Variants in RABGAP1 observed in about 807,000 individuals in gnomAD.
The protein encoded by RABGAP1 is RAB GTPase activating protein 1.
In RABGAP1, 23 loss-of-function variants were observed where a neutral mutation model predicts 137.6. The observed-to-expected ratio is 0.17, with a 90% CI of 0.12 to 0.24. RABGAP1 has a LOEUF of 0.24. Among genes scored for constraint, RABGAP1 ranks in the 10% least tolerant of loss-of-function variants. The pLI is 1.00. For missense variants in RABGAP1, 906 were observed against 1,275.8 expected (o/e 0.71, Z 4.42); for synonymous variants, 451 against 450.7 (o/e 1.00, Z -0.01).
intron 13 of RABGAP1, among the ~76,000 whole-genome samples, chr9:123,042,749 A>G (rs1354027522): frequency 6.6e-6 from 1 of 152,220 alleles, no homozygotes; most frequent in African/African-American, 2.4e-5. Flanking sequence ...GAATAGAGGA[A>G]AAGAAAGGAA....
intron 13 of RABGAP1, among the ~76,000 whole-genome samples, chr9:123,026,790 C>G (rs1789176967): frequency 1.3e-5 from 2 of 152,170 alleles, no homozygotes; most frequent in Admixed American, 1.3e-4. Flanking sequence ...CCTCTTCTGT[C>G]CCTTCTTTCT....
At chr9:123,006,535 T>C (rs566854014) in intron 10 of RABGAP1, among the ~76,000 whole-genome samples, 76 of 152,324 alleles carry the variant, frequency 5.0e-4, no homozygotes, top group African/African-American at 1.8e-3. Context: ...TGAACCTCTT[T>C]CTGGTATTTA....
At chr9:123,022,297 G>C (rs998740453) in intron 13 of RABGAP1, among the ~76,000 whole-genome samples, 3 of 152,128 alleles carry the variant, frequency 2.0e-5, no homozygotes, top group Non-Finnish European at 2.9e-5. Context: ...AAAGGAACCT[G>C]GTAGTTATAT....
chr9:122,970,157 A>G (rs1588188783), intron 2 of RABGAP1, among the ~76,000 whole-genome samples: 1 of 149,554 alleles, frequency 6.7e-6, no homozygotes, highest in South Asian at 2.1e-4. Flanking sequence ...CAAGTGGTCC[A>G]CCTGCCTCAG....
chr9:122,959,806 T>C (rs1834755095), intron 2 of RABGAP1, among the ~76,000 whole-genome samples: 1 of 152,222 alleles, frequency 6.6e-6, no homozygotes. Context: ...TGCCTGTTTC[T>C]GGCCAAGTGT....
At chr9:122,992,143 TCTCATGC>T (rs1009932222) in intron 6 of RABGAP1, among the ~76,000 whole-genome samples, 1 of 151,516 alleles carries the variant, frequency 6.6e-6, no homozygotes, top group Non-Finnish European at 1.5e-5. Flanking sequence ...TTCAAGCAAT[TCTCATGC>T]CTCAGCCTCC....
chr9:122,944,274 G>C (rs929195096), intron 1 of RABGAP1, among the ~76,000 whole-genome samples: 1 of 151,548 alleles, frequency 6.6e-6, no homozygotes, highest in Non-Finnish European at 1.5e-5. Context: ...CTCTTTCCCA[G>C]GCTGGAGTGC....
intron 6 of RABGAP1, 46 bp from the exon 7 acceptor site, chr9:122,995,995 G>C: frequency 6.5e-7 from 1 of 1,546,600 alleles, no homozygotes. Flanking sequence ...TCTAGTATGT[G>C]ACAAGAAAAT....
At chr9:122,995,957 A>ATT in intron 6 of RABGAP1, 84 bp from the exon 7 acceptor site, 1 of 1,486,528 alleles carries the variant, frequency 6.7e-7, no homozygotes, top group Non-Finnish European at 8.9e-7. Context: ...AGAATCAGAG[A>ATT]TTTGAGGTCT....
At chr9:122,971,289 T>G (rs1055732835) in intron 2 of RABGAP1, among the ~76,000 whole-genome samples, 5 of 152,226 alleles carry the variant, frequency 3.3e-5, no homozygotes, top group African/African-American at 9.6e-5. Flanking sequence ...AGTTTGAATT[T>G]ACACTGCTTG....
intron 1 of RABGAP1, among the ~76,000 whole-genome samples, chr9:122,954,852 A>G (rs1404188459): frequency 6.6e-6 from 1 of 152,200 alleles, no homozygotes; most frequent in Non-Finnish European, 1.5e-5. Flanking sequence ...CTCTAACCAC[A>G]TTACATTGAA....
intron 2 of RABGAP1, among the ~76,000 whole-genome samples, chr9:122,971,121 A>G (rs575880939): frequency 6.7e-4 from 102 of 152,212 alleles, no homozygotes; most frequent in South Asian, 1.0e-3. Flanking sequence ...AAGTGTACTC[A>G]GGGGCTACTT....
rs1216419264 is a variant in RABGAP1, at chr9:123,104,860, A to C, written c.*1647A>C. The C allele has an allele frequency of 6.6e-6, 1 of 152,232 alleles. No individual in the cohort carries two copies. The highest frequency in any genetic ancestry group is 2.4e-5 in the African/African-American group (1 of 41,466). The allele number at this position is 152,232 out of a possible 1,614,324, so 9.4% of individuals were successfully genotyped here. On this transcript the variant is annotated 3_prime_UTR_variant, in exon 26 of 26. Transcript: ENST00000373647. ...GCATATTGATTAAATATTTTGGTAC[A>C]AACAAACAGCATTGCTTTGTAAAAA...
At chr9:123,032,066 C>T (rs1303531042) in intron 13 of RABGAP1, among the ~76,000 whole-genome samples, 1 of 152,202 alleles carries the variant, frequency 6.6e-6, no homozygotes, top group Non-Finnish European at 1.5e-5. Flanking sequence ...ACTGTATAGC[C>T]TCAGTAAGAG....
the RABGAP1 span, among the ~76,000 whole-genome samples, chr9:122,934,847 C>T: frequency 1.3e-5 from 2 of 152,104 alleles, no homozygotes; most frequent in Admixed American, 6.5e-5. Context: ...TCAAGCAATC[C>T]GCCTGCGTTG....
chr9:123,052,944 AC>A (rs1166415479), intron 13 of RABGAP1, among the ~76,000 whole-genome samples: 3 of 152,208 alleles, frequency 2.0e-5, no homozygotes, highest in Non-Finnish European at 4.4e-5. Flanking sequence ...TGTCTCAAAA[AC>A]AAAACAAAAT....
At position 123,101,689 on chromosome 9, in the gene RABGAP1, A is replaced by T. The variant is rs1283948864; in HGVS notation, c.3013A>T (p.Asn1005Tyr). 95 of 1,614,068 alleles carry T rather than the reference A, an allele frequency of 5.9e-5. No homozygotes were observed. The East Asian group carries it at 2.1e-3, about 36-fold the overall frequency. ...GGATGAAGAGAAAGAGACGCTCAAG[A>T]ACCAGCTGAGAGAAATGGAGCTAGA... ...DTDEEKETLK[N>Y]QLREMELELA... Residue 1005 changes from asparagine (N) to tyrosine (Y), a missense_variant, in exon 25 of 26, where the codon AAC (asparagine) becomes TAC (tyrosine). Physicochemically the swap from Asn to Tyr is moderately radical, Grantham distance 143. This residue lies in a region of RABGAP1 where 193 missense variants were observed against 248.1 expected (regional missense o/e 0.78). Transcript: ENST00000373647.
At chr9:123,057,995 C>T (rs1322361527) in intron 13 of RABGAP1, among the ~76,000 whole-genome samples, 6 of 146,276 alleles carry the variant, frequency 4.1e-5, no homozygotes, top group Non-Finnish European at 6.0e-5. Context: ...TGAGCCGAGA[C>T]GGCAGCAGCA....
At chr9:123,034,689 G>A (rs1473326065) in intron 13 of RABGAP1, 1 of 1,612,950 alleles carries the variant, frequency 6.2e-7, no homozygotes, top group Admixed American at 1.7e-5. Flanking sequence ...TAACTGTATT[G>A]ATTATTTCTG....
Sources: allele counts gnomAD v4.1 joint callset (sites outside exome capture counted in the v4.1 genomes callset), GRCh38; gene constraint gnomAD v4.1.1; regional missense constraint gnomAD v4.1.1; transcripts MANE v1.5; gene names NCBI Gene and HGNC (gene_info 2026-07-23, HGNC 2026-07-21).